The following HGD variants were observed in gnomAD, a reference collection of about 807,000 sequenced individuals.
HGD encodes the protein homogentisate oxidase.
HGD carries 61 observed loss-of-function variants against 60.8 expected under a neutral mutation model. That is an observed-to-expected ratio of 1.00 (90% CI 0.82 to 1.24). The LOEUF is 1.24. Among genes scored for constraint, HGD ranks in the 50% most tolerant of loss-of-function variants. The pLI is 0.00. For synonymous variants in HGD, 212 were observed against 187.7 expected, an observed-to-expected ratio of 1.13 and a Z score of -1.06; for missense variants, 542 against 547.1, an observed-to-expected ratio of 0.99 and a Z score of 0.09.
chr3:120,639,644 G>C (rs944300457), intron 11 of HGD, among the ~76,000 whole-genome samples: 5 of 152,202 alleles, frequency 3.3e-5, no homozygotes, highest in Non-Finnish European at 7.3e-5. Context: ...TCAGAGCAAA[G>C]TAGAAATAGA....
At chr3:120,642,574 G>A (rs1401380374) in intron 10 of HGD, among the ~76,000 whole-genome samples, 2 of 152,170 alleles carry the variant, frequency 1.3e-5, no homozygotes, top group South Asian at 2.1e-4. Context: ...TTTCTAAGGT[G>A]TATACAGTCT....
intron 13 of HGD, 151 bp downstream of exon 13, chr3:120,632,996 G>A (rs1940636012): frequency 2.8e-6 from 2 of 707,650 alleles, no homozygotes. Flanking sequence ...AAGGATGTGA[G>A]TATATATACA....
At chr3:120,679,142 A>G (rs1024741736) in intron 1 of HGD, among the ~76,000 whole-genome samples, 2 of 152,232 alleles carry the variant, frequency 1.3e-5, no homozygotes, top group African/African-American at 4.8e-5. Flanking sequence ...CAGTACCATC[A>G]GCTCTTTGGC....
chr3:120,652,720 G>C, intron 4 of HGD, 69 bp from the exon 5 acceptor site: 1 of 1,027,030 alleles, frequency 9.7e-7, no homozygotes. Context: ...TAAATAAATA[G>C]CATCAATTAC....
intron 1 of HGD, among the ~76,000 whole-genome samples, chr3:120,677,009 C>G (rs1375249911): frequency 6.6e-6 from 1 of 152,186 alleles, no homozygotes. Context: ...AATCTCTAAA[C>G]ATAAATTGTA....
chr3:120,680,995 T>C (rs538037988), intron 1 of HGD, among the ~76,000 whole-genome samples: 1 of 152,374 alleles, frequency 6.6e-6, no homozygotes, highest in Non-Finnish European at 1.5e-5. Flanking sequence ...AAATATTTGC[T>C]GAATGAAAGA....
At chr3:120,646,391 G>A in intron 8 of HGD, 25 bp from the exon 9 acceptor site, 1 of 1,436,854 alleles carries the variant, frequency 7.0e-7, no homozygotes, top group Non-Finnish European at 9.8e-7. Flanking sequence ...AGACACTGGT[G>A]TGCCCTCTGA....
At chr3:120,675,722 A>C (rs1268778274) in intron 2 of HGD, 70 bp downstream of exon 2, 2 of 1,227,868 alleles carry the variant, frequency 1.6e-6, no homozygotes, top group Admixed American at 3.4e-5. Flanking sequence ...GGGTGGAGGC[A>C]CTTTGGCCTG....
rs529397389 is a variant in HGD, at chr3:120,656,582, C to T, written c.283-3931G>A. ...TTTTTTTGGGGGGGGGTTGGAGTCG[C>T]GCTCTGTTACCCAGGCTGGAGTGCA... On this transcript the variant is annotated intron_variant, in intron 4 of 13. Transcript: ENST00000283871. 1.0e-3 allele frequency among the ~76,000 whole-genome samples: 157 copies of T among 151,316 alleles called. 1 individual carries two copies. In the South Asian group the frequency reaches 0.028, roughly 27 times the overall value.
At position 120,671,357 on chromosome 3, in the gene HGD, A is replaced by T. The variant is rs538632021; in HGVS notation, c.177-825T>A. 5.9e-3 allele frequency among the ~76,000 whole-genome samples: 906 copies of T among 152,316 alleles called. 4 individuals are homozygous for T. The highest frequency in any genetic ancestry group is 0.011 in the Non-Finnish European group (729 of 68,022). On this transcript the variant is annotated intron_variant, in intron 3 of 13. Coordinates refer to ENST00000283871, the MANE Select transcript of HGD (RefSeq NM_000187.4). ...TGTATTTCCTTTATTATGAATTAGA[A>T]AATACAAAATATTTCCAAAAAACAA...
chr3:120,674,560 C>CAAAACAAAACAAAAA (rs754445725), intron 3 of HGD: 3 of 295,128 alleles, frequency 1.0e-5, no homozygotes, highest in Non-Finnish European at 2.0e-5. Context: ...TAAAACAAAA[C>CAAAACAAAACAAAAA]AAAACAGGTA....
intron 4 of HGD, among the ~76,000 whole-genome samples, chr3:120,669,446 T>TGCGCGC (rs549495532): frequency 2.9e-5 from 3 of 101,888 alleles, no homozygotes; most frequent in African/African-American, 1.1e-4. Flanking sequence ...TGTGCGCATG[T>TGCGCGC]GCACACACAC....
At chr3:120,675,926 G>T in intron 1 of HGD, 63 bp from the exon 2 acceptor site, 1 of 1,282,104 alleles carries the variant, frequency 7.8e-7, no homozygotes, top group Non-Finnish European at 1.1e-6. Flanking sequence ...TCAGAAAATT[G>T]GCAGTTTACT....
intron 6 of HGD, among the ~76,000 whole-genome samples, 179 bp from the exon 7 acceptor site, chr3:120,648,090 G>A (rs377020928): frequency 4.6e-5 from 7 of 152,294 alleles, no homozygotes; most frequent in South Asian, 2.1e-4. Flanking sequence ...GGGAGTCAGA[G>A]AGCAATCAAA....
At chr3:120,667,291 A>ACTCC (rs1321762684) in intron 4 of HGD, among the ~76,000 whole-genome samples, 1 of 135,562 alleles carries the variant, frequency 7.4e-6, no homozygotes, top group East Asian at 2.1e-4. Context: ...ACACCACTGT[A>ACTCC]CTCCCGCCTG....
intron 1 of HGD, among the ~76,000 whole-genome samples, chr3:120,679,279 T>C (rs895201288): frequency 6.6e-6 from 1 of 152,168 alleles, no homozygotes; most frequent in Non-Finnish European, 1.5e-5. Flanking sequence ...GATGAACAGA[T>C]GGTGCACCTC....
chr3:120,628,614 G>A, intron 13 of HGD, 85 bp from the exon 14 acceptor site: 1 of 1,443,786 alleles, frequency 6.9e-7, no homozygotes, highest in Non-Finnish European at 9.7e-7. Context: ...GAAGGTATGG[G>A]TAGGTGAAAT....
At chr3:120,647,196 C>T (rs866555125) in intron 7 of HGD, 144 bp from the exon 8 acceptor site, 2 of 717,318 alleles carry the variant, frequency 2.8e-6, no homozygotes. Context: ...AAGATAAATT[C>T]TGACAACTTA....
intron 4 of HGD, among the ~76,000 whole-genome samples, chr3:120,668,736 AG>A (rs1707957488): frequency 6.6e-6 from 1 of 152,188 alleles, no homozygotes; most frequent in African/African-American, 2.4e-5. Context: ...TCTTCACAAT[AG>A]CACTGTGAGG....
Sources: gnomAD v4.1 joint callset for allele counts (sites outside exome capture counted in the v4.1 genomes callset) on GRCh38, gnomAD v4.1.1 for gene constraint, MANE v1.5 for transcripts, NCBI Gene and HGNC (gene_info 2026-07-23, HGNC 2026-07-21) for gene names.